Variants in TFCP2L1 observed in about 807,000 individuals in gnomAD.
TFCP2L1 encodes the protein transcription factor CP2-like protein 1.
A neutral mutation model predicts 72.2 loss-of-function variants in TFCP2L1; 12 were observed. The observed-to-expected ratio is 0.17, with a 90% CI of 0.11 to 0.27. TFCP2L1 has a LOEUF of 0.27. TFCP2L1 is among the 10% of genes least tolerant of loss of function. TFCP2L1 has a pLI of 1.00. For synonymous variants in TFCP2L1, 260 were observed against 251.0 expected (o/e 1.04, Z -0.34); for missense variants, 488 against 624.6 (o/e 0.78, Z 2.33).
At chr2:121,250,375 CAT>C (rs1686582289) in intron 2 of TFCP2L1, among the ~76,000 whole-genome samples, 3 of 150,462 alleles carry the variant, frequency 2.0e-5, no homozygotes, top group African/African-American at 4.9e-5. Flanking sequence ...CACACACACA[CAT>C]ACATATATGT....
intron 2 of TFCP2L1, among the ~76,000 whole-genome samples, chr2:121,275,208 C>A (rs1161504208): frequency 6.6e-6 from 1 of 151,686 alleles, no homozygotes; most frequent in Non-Finnish European, 1.5e-5. Flanking sequence ...CACGGTGAAA[C>A]CCCATCTCTA....
intron 2 of TFCP2L1, among the ~76,000 whole-genome samples, chr2:121,262,199 G>C (rs866659494): frequency 1.3e-5 from 2 of 152,196 alleles, no homozygotes; most frequent in African/African-American, 4.8e-5. Flanking sequence ...AGCCACAGTG[G>C]CTCTTGCCTG....
intron 13 of TFCP2L1, among the ~76,000 whole-genome samples, chr2:121,227,893 T>C (rs1686062185): frequency 6.6e-6 from 1 of 152,198 alleles, no homozygotes; most frequent in Non-Finnish European, 1.5e-5. Flanking sequence ...TAATGATGCG[T>C]GAAGTACATT....
chr2:121,258,914 C>T (rs1686779480), intron 2 of TFCP2L1, among the ~76,000 whole-genome samples: 1 of 152,150 alleles, frequency 6.6e-6, no homozygotes, highest in Non-Finnish European at 1.5e-5. Flanking sequence ...AAAAGAATGT[C>T]CTTGTTCTTA....
intron 9 of TFCP2L1, 31 bp from the exon 10 acceptor site, chr2:121,237,747 G>A (rs1686281457): frequency 6.2e-7 from 1 of 1,613,878 alleles, no homozygotes; most frequent in African/African-American, 1.3e-5. Flanking sequence ...CCTTGAGATG[G>A]TGGCTCAGGG....
chr2:121,269,806 G>A (rs1275135518), intron 2 of TFCP2L1, among the ~76,000 whole-genome samples: 1 of 151,234 alleles, frequency 6.6e-6, no homozygotes, highest in Non-Finnish European at 1.5e-5. Flanking sequence ...CTACTCAGGA[G>A]GTTGAAACAG....
chr2:121,261,251 C>T (rs1018521742), intron 2 of TFCP2L1, among the ~76,000 whole-genome samples: 3 of 152,236 alleles, frequency 2.0e-5, no homozygotes, highest in Non-Finnish European at 4.4e-5. Context: ...ATGAATGCCA[C>T]AGGCTAGGCA....
chr2:121,269,909 A>AAAAAAAAAAAAAG (rs2104749269), intron 2 of TFCP2L1, among the ~76,000 whole-genome samples: 1 of 82,874 alleles, frequency 1.2e-5, no homozygotes, highest in African/African-American at 3.4e-5. Flanking sequence ...ACTCCATCTA[A>AAAAAAAAAAAAAG]AAAAAAAAAA....
chr2:121,251,980 G>C (rs1686623107), intron 2 of TFCP2L1, among the ~76,000 whole-genome samples: 1 of 152,166 alleles, frequency 6.6e-6, no homozygotes, highest in Admixed American at 6.5e-5. Flanking sequence ...CTGCAGACTA[G>C]GAAGAGCAAA....
rs371813883 is a variant in TFCP2L1, at chr2:121,244,305, G to A, written c.658-1836C>T. Among the ~76,000 whole-genome samples, 43 of 152,322 alleles carry A rather than the reference G, an allele frequency of 2.8e-4. No individual in the cohort carries two copies. In the East Asian group the frequency reaches 7.1e-3, roughly 25 times the overall value. On this transcript the variant is annotated intron_variant, in intron 6 of 14. Transcript: ENST00000263707. Reference sequence around the variant, plus strand: ...CACCCCACACACAGTCCCAGGGAGCGGCTCCAACAAGCCAGGCTTCCCAGT... The same window carrying A: ...CACCCCACACACAGTCCCAGGGAGCAGCTCCAACAAGCCAGGCTTCCCAGT...
chr2:121,258,158 G>C (rs565973655), intron 2 of TFCP2L1, among the ~76,000 whole-genome samples: 1 of 152,328 alleles, frequency 6.6e-6, no homozygotes, highest in Admixed American at 6.5e-5. Context: ...GCCACTGCCT[G>C]ATCACCTGTC....
At chr2:121,232,123 T>C in intron 12 of TFCP2L1, among the ~76,000 whole-genome samples, 155 bp from the exon 13 acceptor site, 1 of 140,302 alleles carries the variant, frequency 7.1e-6, no homozygotes, top group East Asian at 2.0e-4. Context: ...TTTTGTTTTG[T>C]TTTGTTTTGT....
chr2:121,278,523 T>C (rs1687192791), intron 2 of TFCP2L1, among the ~76,000 whole-genome samples: 1 of 148,768 alleles, frequency 6.7e-6, no homozygotes, highest in South Asian at 2.1e-4. Flanking sequence ...CCGTCTCTAC[T>C]AAAAATACAA....
chr2:121,226,657 C>T (rs371529209), intron 13 of TFCP2L1, among the ~76,000 whole-genome samples: 50 of 152,268 alleles, frequency 3.3e-4, no homozygotes, highest in African/African-American at 1.1e-3. Flanking sequence ...GTTCTAATTT[C>T]GATGAACTAC....
In TFCP2L1 at chr2:121,240,737, G is replaced by A. The variant is rs567233149; in HGVS notation, c.769-1088C>T. 5.1e-6 allele frequency: 5 copies of A among 985,396 alleles called. No individual in the cohort carries two copies. In the African/African-American group the frequency reaches 8.7e-5, roughly 17 times the overall value. 61.0% of individuals were successfully genotyped at this position (985,396 alleles called of 1,614,324 possible). On this transcript the variant is annotated intron_variant, in intron 7 of 14. Coordinates refer to ENST00000263707, the MANE Select transcript of TFCP2L1 (RefSeq NM_014553.3). ...GGAGGTGGGGAACACTCTGGGCAGT[G>A]GCACCAGCACAGGCATGAACCAGGT...
intron 6 of TFCP2L1, among the ~76,000 whole-genome samples, chr2:121,244,613 C>T (rs910814841): frequency 6.6e-6 from 1 of 152,192 alleles, no homozygotes; most frequent in African/African-American, 2.4e-5. Context: ...ACAGAGCCCC[C>T]ACTCCTAAGC....
intron 1 of TFCP2L1, among the ~76,000 whole-genome samples, chr2:121,284,707 C>CG (rs953207751): frequency 6.6e-6 from 1 of 152,148 alleles, no homozygotes; most frequent in African/African-American, 2.4e-5. Context: ...CTCCGATACG[C>CG]GGGGGAGAGG....
chr2:121,278,287 C>T (rs1379278075), intron 2 of TFCP2L1, among the ~76,000 whole-genome samples: 2 of 150,016 alleles, frequency 1.3e-5, no homozygotes, highest in African/African-American at 2.4e-5. Flanking sequence ...CCACCCGCCT[C>T]GGCCTCCCAA....
intron 2 of TFCP2L1, among the ~76,000 whole-genome samples, chr2:121,261,004 C>A (rs372925983): frequency 6.6e-6 from 1 of 152,220 alleles, no homozygotes; most frequent in East Asian, 1.9e-4. Context: ...CTGGTAATAA[C>A]GGTAGATGCA....
Sources: allele counts gnomAD v4.1 joint callset (sites outside exome capture counted in the v4.1 genomes callset), GRCh38; gene constraint gnomAD v4.1.1; transcripts MANE v1.5; gene names NCBI Gene and HGNC (gene_info 2026-07-23, HGNC 2026-07-21).